The following ELP1 variants were observed in gnomAD, a reference collection of about 807,000 sequenced individuals.
The protein encoded by ELP1 is elongator acetyltransferase complex subunit 1.
ELP1 carries 131 observed loss-of-function variants against 183.2 expected under a neutral mutation model. The observed-to-expected ratio is 0.72, with a 90% CI of 0.62 to 0.83. The LOEUF (loss-of-function observed/expected upper bound fraction) is 0.83, where lower values mean the gene tolerates loss of function less well. Among genes scored for constraint, ELP1 ranks in the 40% least tolerant of loss-of-function variants. The pLI, the probability that ELP1 is intolerant of heterozygous loss-of-function variation, is 0.00. For missense variants in ELP1, 1,550 were observed against 1,594.9 expected, an observed-to-expected ratio of 0.97 and a Z score of 0.48; for synonymous variants, 555 against 569.0, an observed-to-expected ratio of 0.98 and a Z score of 0.35.
intron 36 of ELP1, among the ~76,000 whole-genome samples, chr9:108,869,688 T>G (rs1827365802): frequency 6.6e-6 from 1 of 152,154 alleles, no homozygotes; most frequent in Non-Finnish European, 1.5e-5. Flanking sequence ...AAAAAGTGAA[T>G]GGAGAGAGAG....
chr9:108,900,124 A>T (rs1414969656), intron 19 of ELP1, 136 bp downstream of exon 19: 2 of 811,238 alleles, frequency 2.5e-6, no homozygotes, highest in Non-Finnish European at 4.2e-6. Context: ...TAAAGCTAAC[A>T]GAAAACTATC....
At chr9:108,922,965 G>A in intron 5 of ELP1, 38 bp from the exon 6 acceptor site, 1 of 1,451,868 alleles carries the variant, frequency 6.9e-7, no homozygotes, top group Non-Finnish European at 9.7e-7. Flanking sequence ...TAAGCCACAT[G>A]AAATGAAACA....
In ELP1 at chr9:108,896,569, T is replaced by A; in HGVS notation, c.2663A>T (p.Asn888Ile). The A allele has an allele frequency of 6.2e-7, 1 of 1,613,892 alleles. No individual in the cohort carries two copies. The highest frequency in any genetic ancestry group is 8.5e-7 in the Non-Finnish European group (1 of 1,179,750). The change falls in exon 25 of 37, where the codon AAT becomes ATT. Residue 888 changes from asparagine to isoleucine, a missense_variant. Asn to Ile is a moderately radical substitution (Grantham distance 149, BLOSUM62 -3). Coordinates refer to ENST00000374647, the MANE Select transcript of ELP1 (RefSeq NM_003640.5). ...GCCAAGAGAATGATCATATAATTCATTAACATCTACCAGATGCAGCAAATA... is the reference window on the plus strand; with the variant it reads ...GCCAAGAGAATGATCATATAATTCAATAACATCTACCAGATGCAGCAAATA... Reference protein sequence around the residue: ...LKYLLHLVDVNELYDHSLGTY... With the variant: ...LKYLLHLVDVIELYDHSLGTY...
intron 10 of ELP1, among the ~76,000 whole-genome samples, chr9:108,914,262 G>T (rs1188405915): frequency 6.6e-6 from 1 of 151,732 alleles, no homozygotes; most frequent in Non-Finnish European, 1.5e-5. Flanking sequence ...AGCCAGGCTT[G>T]GTGGCGGGCG....
At chr9:108,882,670 C>T (rs1050847104) in intron 29 of ELP1, among the ~76,000 whole-genome samples, 5 of 150,822 alleles carry the variant, frequency 3.3e-5, no homozygotes, top group East Asian at 2.0e-4. Flanking sequence ...TCACAGCTCA[C>T]GGCAGCCTTG....
intron 18 of ELP1, 147 bp downstream of exon 18, chr9:108,901,278 G>C (rs1264754631): frequency 2.9e-6 from 2 of 683,508 alleles, no homozygotes; most frequent in African/African-American, 3.6e-5. Flanking sequence ...GTTGAGATTA[G>C]GGTCTAAGTA....
intron 4 of ELP1, among the ~76,000 whole-genome samples, 197 bp from the exon 5 acceptor site, chr9:108,926,800 C>T (rs1033700643): frequency 6.6e-6 from 1 of 152,164 alleles, no homozygotes; most frequent in Non-Finnish European, 1.5e-5. Context: ...TCACCTGGTG[C>T]TTATGCTCAG....
chr9:108,901,791 T>C, intron 16 of ELP1, 110 bp from the exon 17 acceptor site: 2 of 1,019,238 alleles, frequency 2.0e-6, no homozygotes, highest in Non-Finnish European at 3.0e-6. Context: ...TAAGTTCCTG[T>C]AATCAGGACT....
Position 108,917,930 on chromosome 9 carries a change from T to C in ELP1, c.741-260A>G, listed in dbSNP as rs1197072108. Among the ~76,000 whole-genome samples, 8 of 152,298 alleles carry C rather than the reference T, an allele frequency of 5.3e-5. No homozygotes were observed. The South Asian group carries it at 1.7e-3, about 32-fold the overall frequency. On this transcript the variant is annotated intron_variant, in intron 8 of 36. Transcript: ENST00000374647. Reference sequence around the variant, plus strand: ...GAGGCTCCATTTGCCCACAAAACCTTACATATTTACATTGCATTTGGATGA... The same window carrying C: ...GAGGCTCCATTTGCCCACAAAACCTCACATATTTACATTGCATTTGGATGA...
chr9:108,912,116 A>T (rs1829246588), intron 11 of ELP1, 148 bp downstream of exon 11: 2 of 714,010 alleles, frequency 2.8e-6, no homozygotes, highest in Non-Finnish European at 5.1e-6. Context: ...AACATACCCC[A>T]CCTTATATCC....
chr9:108,896,650 A>T lies in ELP1; in HGVS notation c.2588-6T>A. The T allele has an allele frequency of 6.2e-7, 1 of 1,613,598 alleles. No homozygotes were observed. The highest frequency in any genetic ancestry group is 8.5e-7 in the Non-Finnish European group (1 of 1,179,486). On this transcript the variant is annotated splice_polypyrimidine_tract_variant and splice_region_variant and intron_variant, in intron 24 of 36. Coordinates refer to ENST00000374647, the MANE Select transcript of ELP1 (RefSeq NM_003640.5). Reference sequence around the variant, plus strand: ...AGGATCAGAGGGAGCATTTCCTAACAGTGTTTAGAAAACAAAACAGAACAC... The same window carrying T: ...AGGATCAGAGGGAGCATTTCCTAACTGTGTTTAGAAAACAAAACAGAACAC...
Position 108,912,358 on chromosome 9 carries a change from G to C in ELP1, c.1095C>G (p.Gly365=). Residue 365 remains glycine, a synonymous_variant, in exon 11 of 37, where the codon GGC becomes GGG. Coordinates refer to ENST00000374647, the MANE Select transcript of ELP1 (RefSeq NM_003640.5). ...TPYRLHVLCQ[G]WHYLAYDWHW... ...GCCAATCATAGGCGAGGTAATGCCA[G>C]CCCTGACAGAGAACATGCAGCCGGT... 2 of 1,614,168 alleles carry C rather than the reference G, an allele frequency of 1.2e-6. No homozygotes were observed. The highest frequency in any genetic ancestry group is 1.7e-6 in the Non-Finnish European group (2 of 1,180,036).
chr9:108,869,748 T>C (rs1178711982), intron 36 of ELP1, among the ~76,000 whole-genome samples: 2 of 152,206 alleles, frequency 1.3e-5, no homozygotes, highest in African/African-American at 4.8e-5. Context: ...AGGCACTCTT[T>C]CACTTAGATT....
At chr9:108,892,916 G>C (rs1171902423) in intron 27 of ELP1, 70 bp downstream of exon 27, 4 of 1,024,016 alleles carry the variant, frequency 3.9e-6, no homozygotes, top group Non-Finnish European at 6.2e-6. Context: ...TATGAACTTA[G>C]GATCCTCACT....
chr9:108,876,016 T>TA, intron 35 of ELP1, among the ~76,000 whole-genome samples: 1 of 152,316 alleles, frequency 6.6e-6, no homozygotes, highest in East Asian at 1.9e-4. Flanking sequence ...CTGATGCCTA[T>TA]AGTCCCAGCA....
rs200522819 is a variant in ELP1 at position 108,896,480 on chromosome 9, T to A, written c.2736+16A>T. The A allele has an allele frequency of 5.0e-6, 8 of 1,613,444 alleles. No homozygotes were observed. The highest frequency in any genetic ancestry group is 3.3e-5 in the South Asian group (3 of 91,084). ...AAACAAGAACCAAATGGCATAAAAG[T>A]AAGAACTCCACATACCTTCTGTGAC... On this transcript the variant is annotated intron_variant, in intron 25 of 36. Transcript: ENST00000374647.
rs144164976 is a variant in ELP1 at position 108,903,845 on chromosome 9, ACACACACT to A, written c.1644-184_1644-177del. Reference sequence around the variant, plus strand: ...ACTATACACACACACACACACACACACACACACTTATACACTTAGAGACAGACGGTTAG... The same window carrying A: ...ACTATACACACACACACACACACACATATACACTTAGAGACAGACGGTTAG... On this transcript the variant is annotated intron_variant, in intron 14 of 36. Coordinates refer to ENST00000374647, the MANE Select transcript of ELP1 (RefSeq NM_003640.5). Among the ~76,000 whole-genome samples, 373 of 139,612 alleles carry A rather than the reference ACACACACT, an allele frequency of 2.7e-3. 4 individuals are homozygous for A. Among genetic ancestry groups the A allele is most frequent in the African/African-American group, 8.7e-3 (345 of 39,472 alleles). 91.6% of individuals were successfully genotyped at this position (139,612 alleles called of 152,430 possible).
chr9:108,881,639 A>G, intron 31 of ELP1, 66 bp downstream of exon 31: 3 of 943,540 alleles, frequency 3.2e-6, no homozygotes, highest in Non-Finnish European at 5.2e-6. Flanking sequence ...ATAGGAGGAG[A>G]CTCTCTCATC....
intron 24 of ELP1, 71 bp from the exon 25 acceptor site, chr9:108,896,715 C>G (rs992731186): frequency 8.4e-6 from 12 of 1,436,500 alleles, no homozygotes; most frequent in Admixed American, 3.3e-5. Flanking sequence ...AACAACATAA[C>G]CAAAAAGACA....
Sources: gnomAD v4.1 joint callset for allele counts (sites outside exome capture counted in the v4.1 genomes callset) on GRCh38, gnomAD v4.1.1 for gene constraint, MANE v1.5 for transcripts, NCBI Gene and HGNC (gene_info 2026-07-23, HGNC 2026-07-21) for gene names.